The following ZCWPW2 variants were observed in gnomAD, a reference collection of about 807,000 sequenced individuals.
ZCWPW2 encodes zinc finger CW-type and PWWP domain containing 2.
A neutral mutation model predicts 46.6 loss-of-function variants in ZCWPW2; 45 were observed. The ratio of observed to expected loss-of-function variants is 0.96; its 90% CI spans 0.76 to 1.24. ZCWPW2 has a LOEUF of 1.24. Ranked by LOEUF, ZCWPW2 falls within the 50% of genes most tolerant of loss-of-function variation. The pLI, the probability that ZCWPW2 is intolerant of heterozygous loss-of-function variation, is 0.00. For missense variants in ZCWPW2, 429 were observed against 403.9 expected (o/e 1.06, Z -0.53); for synonymous variants, 152 against 137.1 (o/e 1.11, Z -0.76).
chr3:28,389,903 C>T (rs4680913), intron 1 of ZCWPW2, among the ~76,000 whole-genome samples: 80,066 of 151,860 alleles, frequency 0.53, 21,570 homozygotes, highest in African/African-American at 0.56. Context: ...GGCCTTCAAC[C>T]GACTGAATGA....
chr3:28,452,735 T>C (rs1447313601), intron 4 of ZCWPW2, among the ~76,000 whole-genome samples: 3 of 152,214 alleles, frequency 2.0e-5, no homozygotes, highest in Admixed American at 1.3e-4. Flanking sequence ...TTAGTATTCG[T>C]TGGAAGTAAC....
intron 4 of ZCWPW2, among the ~76,000 whole-genome samples, chr3:28,438,393 T>C (rs1464022346): frequency 6.6e-6 from 1 of 152,144 alleles, no homozygotes; most frequent in Non-Finnish European, 1.5e-5. Flanking sequence ...CAACTGTATA[T>C]ACAGGGAAAA....
chr3:28,355,855 G>A (rs1375748567), intron 1 of ZCWPW2, among the ~76,000 whole-genome samples: 2 of 152,162 alleles, frequency 1.3e-5, no homozygotes, highest in Non-Finnish European at 1.5e-5. Flanking sequence ...AATTCAAGAT[G>A]GATTAAAGGT....
chr3:28,459,365 G>C (rs1232150660), intron 4 of ZCWPW2, among the ~76,000 whole-genome samples: 2 of 150,784 alleles, frequency 1.3e-5, no homozygotes, highest in Non-Finnish European at 2.9e-5. Flanking sequence ...GCGAGACTCT[G>C]TCTCCAAAGA....
intron 3 of ZCWPW2, among the ~76,000 whole-genome samples, chr3:28,431,735 A>G (rs1697266222): frequency 6.6e-6 from 1 of 152,196 alleles, no homozygotes; most frequent in South Asian, 2.1e-4. Context: ...GAACTTTATA[A>G]CAACACAGTG....
intron 6 of ZCWPW2, among the ~76,000 whole-genome samples, chr3:28,509,175 A>G (rs1007814009): frequency 1.6e-4 from 25 of 152,200 alleles, no homozygotes; most frequent in African/African-American, 5.8e-4. Context: ...GTACTTCATC[A>G]TTTTTAATGG....
chr3:28,511,180 C>A, intron 6 of ZCWPW2: 1 of 398,386 alleles, frequency 2.5e-6, no homozygotes, highest in Non-Finnish European at 5.1e-6. Context: ...AGTAAGGGAA[C>A]TCAGGAAGTC....
Position 28,381,660 on chromosome 3 carries a change from G to A in ZCWPW2, c.-133-8838G>A, listed in dbSNP as rs143242163. ...AAATTAGATGAGCATGGTGGCACAC[G>A]GCTGTACTCCTAGCTAGTCAGGAGG... is the stretch of plus-strand genomic sequence containing the variant. On this transcript the variant is annotated intron_variant, in intron 1 of 9. Coordinates refer to ENST00000383768, the MANE Select transcript of ZCWPW2 (RefSeq NM_001040432.4). Among the ~76,000 whole-genome samples the A allele has an allele frequency of 2.6e-3, 399 of 152,182 alleles. 1 individual carries two copies. The highest frequency in any genetic ancestry group is 8.7e-3 in the African/African-American group (361 of 41,532).
Position 28,480,927 on chromosome 3 carries a change from G to A in ZCWPW2, c.610+1996G>A, listed in dbSNP as rs555250363. ...CTTGCCCAGGCTGGAGTGCAATGGC[G>A]CGATCTCAGCTCACTGCAAGCTCCA... On this transcript the variant is annotated intron_variant, in intron 5 of 9. Coordinates refer to ENST00000383768, the MANE Select transcript of ZCWPW2 (RefSeq NM_001040432.4). Among the ~76,000 whole-genome samples, 6 of 146,634 alleles carry A rather than the reference G, an allele frequency of 4.1e-5. No individual in the cohort carries two copies. In the East Asian group the frequency reaches 1.2e-3, roughly 29 times the overall value.
chr3:28,367,053 C>T (rs74878093), intron 1 of ZCWPW2, among the ~76,000 whole-genome samples: 71,045 of 151,768 alleles, frequency 0.47, 17,359 homozygotes, highest in Non-Finnish European at 0.54. Context: ...TTATTAGTCT[C>T]GCTAGCAGTC....
In ZCWPW2 at chr3:28,359,301, C is replaced by G. The variant is rs150346398; in HGVS notation, c.-134+10098C>G. 4.4e-3 allele frequency among the ~76,000 whole-genome samples: 664 copies of G among 152,052 alleles called. 10 individuals carry two copies. Among genetic ancestry groups the G allele is most frequent in the African/African-American group, 0.015 (627 of 41,520 alleles). ...GTTTTTTGACAATAAGTATTGTATT[C>G]ATTAAGTTTGAACATTTTTCTATTT... On this transcript the variant is annotated intron_variant, in intron 1 of 9. Transcript: ENST00000383768.
intron 3 of ZCWPW2, among the ~76,000 whole-genome samples, chr3:28,426,510 A>G (rs969803972): frequency 2.6e-4 from 40 of 152,342 alleles, no homozygotes; most frequent in African/African-American, 9.6e-4. Flanking sequence ...AAGTTAACAA[A>G]GCAATCAAGT....
chr3:28,496,227 G>A (rs1699988482), intron 6 of ZCWPW2, among the ~76,000 whole-genome samples: 3 of 151,828 alleles, frequency 2.0e-5, no homozygotes, highest in African/African-American at 7.3e-5. Context: ...ATATGTAACA[G>A]GAAATTTGAG....
chr3:28,469,589 T>C (rs764654148), intron 4 of ZCWPW2, among the ~76,000 whole-genome samples: 17 of 151,872 alleles, frequency 1.1e-4, no homozygotes, highest in Non-Finnish European at 2.4e-4. Flanking sequence ...CCAGACAATA[T>C]AGGTTTCAAG....
intron 3 of ZCWPW2, among the ~76,000 whole-genome samples, chr3:28,417,006 G>A (rs1696602546): frequency 6.7e-6 from 1 of 149,078 alleles, no homozygotes; most frequent in African/African-American, 2.5e-5. Context: ...GTCAGGCTTT[G>A]GTATCAGGAT....
chr3:28,468,502 A>C (rs1323269582), intron 4 of ZCWPW2, among the ~76,000 whole-genome samples: 1 of 152,186 alleles, frequency 6.6e-6, no homozygotes, highest in East Asian at 1.9e-4. Flanking sequence ...AAAGAAGACT[A>C]CTTCAGGGCA....
At chr3:28,361,939 G>A (rs1024459938) in intron 1 of ZCWPW2, among the ~76,000 whole-genome samples, 4 of 152,114 alleles carry the variant, frequency 2.6e-5, no homozygotes, top group African/African-American at 7.2e-5. Context: ...GTAAAGTGGT[G>A]TAGCTGCTGT....
chr3:28,425,452 G>A (rs940461083), intron 3 of ZCWPW2, among the ~76,000 whole-genome samples: 2 of 152,150 alleles, frequency 1.3e-5, no homozygotes, highest in Non-Finnish European at 2.9e-5. Context: ...ATTAAGCAAA[G>A]CCATAGATGT....
chr3:28,406,041 G>C (rs1696145011), intron 2 of ZCWPW2, among the ~76,000 whole-genome samples: 1 of 152,198 alleles, frequency 6.6e-6, no homozygotes, highest in South Asian at 2.1e-4. Flanking sequence ...TGTGGAAGTA[G>C]AACTGTGAGT....
Sources: gnomAD v4.1 joint callset for allele counts (sites outside exome capture counted in the v4.1 genomes callset) on GRCh38, gnomAD v4.1.1 for gene constraint, MANE v1.5 for transcripts, NCBI Gene and HGNC (gene_info 2026-07-23, HGNC 2026-07-21) for gene names.